PDE1A: variants seen among roughly 807,000 people sequenced by gnomAD.
PDE1A encodes the protein dual specificity calcium/calmodulin-dependent 3',5'-cyclic nucleotide phosphodiesterase 1A.
PDE1A carries 35 observed loss-of-function variants against 61.7 expected under a neutral mutation model. The observed-to-expected ratio is 0.57, with a 90% confidence interval of 0.43 to 0.75. The LOEUF is 0.75. Among genes scored for constraint, PDE1A ranks in the 30% least tolerant of loss-of-function variants. The probability of loss-of-function intolerance (pLI) is 0.00; values close to 1 mark genes in which losing one functional copy is unlikely to be tolerated. For missense variants in PDE1A, 597 were observed against 630.6 expected, an observed-to-expected ratio of 0.95 and a Z score of 0.57; for synonymous variants, 232 against 213.2, an observed-to-expected ratio of 1.09 and a Z score of -0.77.
the PDE1A span, among the ~76,000 whole-genome samples, chr2:182,611,374 GTA>G: frequency 6.6e-6 from 1 of 152,136 alleles, no homozygotes; most frequent in Non-Finnish European, 1.5e-5. Context: ...TTCCCAAAAT[GTA>G]TCTCAAATAT....
intron 3 of PDE1A, among the ~76,000 whole-genome samples, chr2:182,236,602 T>C (rs1458717874): frequency 6.6e-6 from 1 of 152,240 alleles, no homozygotes; most frequent in Non-Finnish European, 1.5e-5. Context: ...TGGAAACTAT[T>C]TAATGTCATT....
At position 182,242,186 on chromosome 2, in the gene PDE1A, G is replaced by C. The variant is rs1264406647; in HGVS notation, c.168-1894C>G. 14 of 612,410 alleles carry C rather than the reference G, an allele frequency of 2.3e-5. No homozygotes were observed. The East Asian group carries it at 8.4e-4, about 37-fold the overall frequency. 37.9% of individuals were successfully genotyped at this position (612,410 alleles called of 1,614,324 possible). A position where few individuals can be genotyped will look rare whatever the true frequency, so the allele number is the denominator to read the frequency against. ...CCAATTCCTCCACAGTAAATTTCAT[G>C]TTGATGGCTTTAAGGCTATATGTCC... On this transcript the variant is annotated intron_variant, in intron 2 of 13. Coordinates refer to ENST00000351439, the Ensembl canonical transcript of PDE1A.
chr2:182,571,255 C>A, the PDE1A span, among the ~76,000 whole-genome samples: 1 of 151,902 alleles, frequency 6.6e-6, no homozygotes, highest in African/African-American at 2.4e-5. Flanking sequence ...CATATGCTTT[C>A]TTTTAAAATA....
At chr2:182,387,262 G>C (rs4018737) in intron 1 of PDE1A, among the ~76,000 whole-genome samples, 83,297 of 151,766 alleles carry the variant, frequency 0.55, 23,394 homozygotes, top group East Asian at 0.88. Flanking sequence ...TCTCAAGTAC[G>C]CAGGGACACA....
chr2:182,409,651 C>A (rs1702499272), intron 1 of PDE1A, among the ~76,000 whole-genome samples: 1 of 152,144 alleles, frequency 6.6e-6, no homozygotes, highest in African/African-American at 2.4e-5. Flanking sequence ...GCTTACTCTT[C>A]CATTCATAGC....
intron 1 of PDE1A, among the ~76,000 whole-genome samples, chr2:182,366,545 A>T (rs1389848271): frequency 6.6e-6 from 1 of 152,076 alleles, no homozygotes; most frequent in African/African-American, 2.4e-5. Context: ...TTTAAATTTG[A>T]AAAATGAATT....
the PDE1A span, among the ~76,000 whole-genome samples, chr2:182,564,937 T>C: frequency 6.5e-3 from 989 of 152,266 alleles, 14 homozygotes; most frequent in African/African-American, 0.023. Context: ...TATTGGTTAT[T>C]CTAGTTATAC....
intron 1 of PDE1A, among the ~76,000 whole-genome samples, chr2:182,421,547 T>C (rs775318457): frequency 4.6e-5 from 7 of 152,196 alleles, no homozygotes; most frequent in African/African-American, 1.2e-4. Flanking sequence ...TGATGCTAGT[T>C]TATTGGAGAT....
At chr2:182,613,304 G>T in the PDE1A span, among the ~76,000 whole-genome samples, 1 of 152,160 alleles carries the variant, frequency 6.6e-6, no homozygotes, top group African/African-American at 2.4e-5. Context: ...GCTCACGCCT[G>T]TAATCCCCAG....
intron 1 of PDE1A, among the ~76,000 whole-genome samples, chr2:182,283,036 G>A (rs567416696): frequency 1.0e-3 from 155 of 152,056 alleles, no homozygotes; most frequent in African/African-American, 3.6e-3. Context: ...AAGATTATGG[G>A]TAGTAAATTT....
intron 2 of PDE1A, among the ~76,000 whole-genome samples, chr2:182,476,327 C>A (rs1687362327): frequency 1.3e-5 from 2 of 151,782 alleles, no homozygotes; most frequent in African/African-American, 4.8e-5. Context: ...CCCGTCTCTA[C>A]CAAAAATACA....
the PDE1A span, among the ~76,000 whole-genome samples, chr2:182,589,444 T>C: frequency 2.6e-5 from 4 of 152,138 alleles, no homozygotes; most frequent in East Asian, 7.8e-4. Context: ...ATGAATATAA[T>C]AATACCCTTA....
At chr2:182,396,136 G>A (rs745910880) in intron 1 of PDE1A, among the ~76,000 whole-genome samples, 11 of 152,318 alleles carry the variant, frequency 7.2e-5, no homozygotes, top group East Asian at 1.9e-4. Flanking sequence ...AGACTGCCCC[G>A]ATGGCCTCAT....
At chr2:182,568,558 C>A in the PDE1A span, among the ~76,000 whole-genome samples, 77 of 152,040 alleles carry the variant, frequency 5.1e-4, no homozygotes, top group African/African-American at 1.8e-3. Context: ...CCCAGCTACT[C>A]GGAAGGCTGA....
intron 1 of PDE1A, among the ~76,000 whole-genome samples, chr2:182,415,459 C>A (rs1702858441): frequency 6.6e-6 from 1 of 152,068 alleles, no homozygotes; most frequent in African/African-American, 2.4e-5. Flanking sequence ...TTAATCATTT[C>A]TATTAATGAA....
At chr2:182,154,706 G>A (rs1423744644) in intron 13 of PDE1A, among the ~76,000 whole-genome samples, 5 of 152,134 alleles carry the variant, frequency 3.3e-5, no homozygotes, top group Admixed American at 2.6e-4. Flanking sequence ...ATGTGGAGCC[G>A]TGAGTCCGTT....
chr2:182,248,167 G>T (rs1219165533), intron 2 of PDE1A, among the ~76,000 whole-genome samples: 1 of 148,584 alleles, frequency 6.7e-6, no homozygotes, highest in Non-Finnish European at 1.5e-5. Flanking sequence ...TGAGACAGGA[G>T]AATCACTTGA....
intron 1 of PDE1A, among the ~76,000 whole-genome samples, chr2:182,400,167 A>G (rs988456549): frequency 6.6e-6 from 1 of 152,146 alleles, no homozygotes; most frequent in Non-Finnish European, 1.5e-5. Flanking sequence ...CTTTGCCAAT[A>G]TCACTGAACA....
intron 1 of PDE1A, among the ~76,000 whole-genome samples, chr2:182,389,748 G>T (rs556899652): frequency 7.2e-5 from 11 of 152,086 alleles, no homozygotes; most frequent in Non-Finnish European, 1.0e-4. Flanking sequence ...TCGGTGGATT[G>T]GGAGAGGTAG....
Sources: allele counts gnomAD v4.1 joint callset (sites outside exome capture counted in the v4.1 genomes callset), GRCh38; gene constraint gnomAD v4.1.1; transcripts MANE v1.5; gene names NCBI Gene and HGNC (gene_info 2026-07-23, HGNC 2026-07-21).